The following HIP1 variants were observed in gnomAD, a reference collection of about 807,000 sequenced individuals.
HIP1 encodes the protein huntingtin-interacting protein 1.
In HIP1, 65 loss-of-function variants were observed where a neutral mutation model predicts 147.6. That is an observed-to-expected ratio of 0.44 (90% CI 0.36 to 0.54). The LOEUF (loss-of-function observed/expected upper bound fraction) is 0.54. HIP1 is among the 20% of genes least tolerant of loss of function. HIP1 has a pLI of 0.00. For synonymous variants in HIP1, 479 were observed against 504.0 expected (o/e 0.95, Z 0.67); for missense variants, 1,061 against 1,299.6 (o/e 0.82, Z 2.82).
chr7:75,674,500 T>TTTTTCTTTG (rs374343596), intron 1 of HIP1, among the ~76,000 whole-genome samples: 10 of 114,314 alleles, frequency 8.7e-5, no homozygotes, highest in Non-Finnish European at 1.5e-4. Context: ...CGGCTTTTTG[T>TTTTTCTTTG]TTTTTTTTTT....
At chr7:75,644,711 G>C (rs781881683) in intron 1 of HIP1, among the ~76,000 whole-genome samples, 1 of 152,176 alleles carries the variant, frequency 6.6e-6, no homozygotes, top group Non-Finnish European at 1.5e-5. Context: ...CGGGGGAGGA[G>C]CTAGAGTCAC....
chr7:75,595,227 TCTTTCTTTCTTTCTTTCTTTCTTTCTTC>T lies in HIP1; in HGVS notation c.185-2741_185-2714del, dbSNP rs1283825850. ...TTCTTTCTTTCTTTCTTTCTTTCTT[TCTTTCTTTCTTTCTTTCTTTCTTTCTTC>T]CTTCCTTCCTTCCTTCCTTCCTTCC... On this transcript the variant is annotated intron_variant, in intron 2 of 30. Transcript: ENST00000336926. Among the ~76,000 whole-genome samples the T allele has an allele frequency of 2.3e-4, 24 of 102,376 alleles. No individual in the cohort carries two copies. In the South Asian group the frequency reaches 3.3e-3, roughly 14 times the overall value. The allele number at this position is 102,376 out of a possible 152,430, so 67.2% of individuals were successfully genotyped here. A position where few individuals can be genotyped will look rare whatever the true frequency, so the allele number is the denominator to read the frequency against.
At chr7:75,670,786 C>CTTTTTTTTTTTTTT (rs782710876) in intron 1 of HIP1, among the ~76,000 whole-genome samples, 39 of 122,838 alleles carry the variant, frequency 3.2e-4, no homozygotes, top group Non-Finnish European at 3.9e-4. Context: ...CTAATTAAAA[C>CTTTTTTTTTTTTTT]TTTTTTTTTT....
chr7:75,547,939 C>T lies in HIP1; in HGVS notation c.2407-126G>A, dbSNP rs143292656. 98 of 818,968 alleles carry T rather than the reference C, an allele frequency of 1.2e-4. No individual in the cohort carries two copies. The East Asian group carries it at 2.3e-3, about 19-fold the overall frequency. The allele number at this position is 818,968 out of a possible 1,614,324, so 50.7% of individuals were successfully genotyped here. On this transcript the variant is annotated intron_variant, in intron 23 of 30. Transcript: ENST00000336926. ...CCTGAATCTGGAAGTCCCCAAGTCC[C>T]TGCCCACATTCTTGAGAGAGTCAGA...
At chr7:75,607,230 TTTG>T (rs1797260266) in intron 1 of HIP1, among the ~76,000 whole-genome samples, 1 of 146,170 alleles carries the variant, frequency 6.8e-6, no homozygotes, top group African/African-American at 2.6e-5. Flanking sequence ...TGTTTTTTGT[TTTG>T]TTTTTTTTTT....
At chr7:75,573,965 G>A (rs1795742483) in intron 7 of HIP1, 64 bp from the exon 8 acceptor site, 3 of 1,486,050 alleles carry the variant, frequency 2.0e-6, no homozygotes, top group African/African-American at 1.4e-5. Flanking sequence ...CCTCTTCAGA[G>A]GGGCAGAGGC....
Position 75,606,474 on chromosome 7 carries a change from G to C in HIP1, c.121-7227C>G, listed in dbSNP as rs587677930. 5.9e-5 allele frequency among the ~76,000 whole-genome samples: 9 copies of C among 152,274 alleles called. No homozygotes were observed. In the South Asian group the frequency reaches 1.9e-3, roughly 32 times the overall value. On this transcript the variant is annotated intron_variant, in intron 1 of 30. Coordinates refer to ENST00000336926, the MANE Select transcript of HIP1 (RefSeq NM_005338.7). ...CATGCCTATAATCCCAGCTACTTGGGAGGCTGAGGCAGAATTGCTTGAACA... is the reference window on the plus strand; with the variant it reads ...CATGCCTATAATCCCAGCTACTTGGCAGGCTGAGGCAGAATTGCTTGAACA...
At chr7:75,698,624 C>G (rs1800711904) in intron 1 of HIP1, among the ~76,000 whole-genome samples, 1 of 152,048 alleles carries the variant, frequency 6.6e-6, no homozygotes, top group Non-Finnish European at 1.5e-5. Context: ...TGGAGGCCAG[C>G]CTGGGCAACA....
In HIP1 at chr7:75,610,928, G is replaced by A. The variant is rs980277755; in HGVS notation, c.121-11681C>T. Among the ~76,000 whole-genome samples, 3 of 148,908 alleles carry A rather than the reference G, an allele frequency of 2.0e-5. No homozygotes were observed. In the South Asian group the frequency reaches 6.3e-4, roughly 31 times the overall value. ...ATATACTTTTTTTTTTGAGATGGGA[G>A]TTTCACTCCATTTGTCTCCCAAGCT... On this transcript the variant is annotated intron_variant, in intron 1 of 30. Coordinates refer to ENST00000336926, the MANE Select transcript of HIP1 (RefSeq NM_005338.7).
chr7:75,694,694 G>T (rs1247829017), intron 1 of HIP1, among the ~76,000 whole-genome samples: 1 of 144,424 alleles, frequency 6.9e-6, no homozygotes, highest in Non-Finnish European at 1.5e-5. Flanking sequence ...TTTTTTTAAA[G>T]AAATGGGGTC....
At chr7:75,604,588 C>T (rs954500764) in intron 1 of HIP1, among the ~76,000 whole-genome samples, 5 of 151,868 alleles carry the variant, frequency 3.3e-5, no homozygotes, top group South Asian at 2.1e-4. Context: ...ATTACTTGAG[C>T]GATCCAGGCA....
intron 1 of HIP1, among the ~76,000 whole-genome samples, chr7:75,665,233 G>C (rs1487959521): frequency 6.6e-6 from 1 of 152,124 alleles, no homozygotes; most frequent in Non-Finnish European, 1.5e-5. Context: ...CTGCACTCCA[G>C]CCTGGGTGAC....
intron 9 of HIP1, among the ~76,000 whole-genome samples, chr7:75,565,911 A>T (rs57496717): frequency 0.12 from 17,820 of 150,914 alleles, 1,566 homozygotes; most frequent in African/African-American, 0.18. Flanking sequence ...ACAGGGTTTC[A>T]TCATGTTAGC....
intron 1 of HIP1, among the ~76,000 whole-genome samples, chr7:75,647,547 G>T (rs1554511291): frequency 6.6e-6 from 1 of 152,222 alleles, no homozygotes; most frequent in Non-Finnish European, 1.5e-5. Context: ...CATCTCAGAA[G>T]TGTGCTTCCC....
chr7:75,673,419 T>C (rs1380256905), intron 1 of HIP1, among the ~76,000 whole-genome samples: 7 of 152,120 alleles, frequency 4.6e-5, no homozygotes, highest in Admixed American at 4.6e-4. Context: ...AAAAAGGCAT[T>C]TGAAATTTTG....
intron 1 of HIP1, among the ~76,000 whole-genome samples, chr7:75,660,110 G>A (rs782026912): frequency 6.6e-6 from 1 of 150,750 alleles, no homozygotes; most frequent in Non-Finnish European, 1.5e-5. Flanking sequence ...TGGCAACAGA[G>A]CAAGACTCCG....
chr7:75,702,706 C>T (rs1005753063), intron 1 of HIP1, among the ~76,000 whole-genome samples: 2 of 152,040 alleles, frequency 1.3e-5, no homozygotes, highest in Admixed American at 6.6e-5. Flanking sequence ...CCCATGGTTA[C>T]AGAGAAGGAG....
intron 18 of HIP1, 120 bp from the exon 19 acceptor site, chr7:75,555,671 G>C: frequency 1.8e-6 from 2 of 1,084,118 alleles, no homozygotes; most frequent in Non-Finnish European, 2.7e-6. Flanking sequence ...GTCCAAGCCA[G>C]TAAGCCTGAG....
In HIP1 at chr7:75,557,712, C is replaced by T. The variant is rs151075297; in HGVS notation, c.1523G>A (p.Arg508Gln). 846 of 1,614,138 alleles carry T rather than the reference C, an allele frequency of 5.2e-4. 13 individuals are homozygous for T. In the East Asian group the frequency reaches 0.013, roughly 25 times the overall value. Residue 508 changes from arginine to glutamine, a missense_variant, in exon 16 of 31, where the codon CGA (arginine) becomes CAA (glutamine). Physicochemically the swap from Arg to Gln is conservative, Grantham distance 43. Coordinates refer to ENST00000336926, the MANE Select transcript of HIP1 (RefSeq NM_005338.7). ...CGAATCCTCCAGCTCTTTTTTCTCT[C>T]GTTCCAAATCTACCTGGGCTTGTCT... is the stretch of plus-strand genomic sequence containing the variant. ...MARQAQVDLE[R>Q]EKKELEDSLE...
Sources: gnomAD v4.1 joint callset for allele counts (sites outside exome capture counted in the v4.1 genomes callset) on GRCh38, gnomAD v4.1.1 for gene constraint, MANE v1.5 for transcripts, NCBI Gene and HGNC (gene_info 2026-07-23, HGNC 2026-07-21) for gene names.